The following PGM2 variants were observed in gnomAD, a reference collection of about 807,000 sequenced individuals.
PGM2 encodes the protein phosphoglucomutase 2.
Under a neutral mutation model 74.6 loss-of-function variants are expected in PGM2, and 57 were observed. The observed-to-expected ratio is 0.76, with a 90% CI of 0.62 to 0.95. The LOEUF (loss-of-function observed/expected upper bound fraction) is 0.95. Among genes scored for constraint, PGM2 ranks in the 40% least tolerant of loss-of-function variants. The pLI is 0.00. For synonymous variants in PGM2, 273 were observed against 260.7 expected (o/e 1.05, Z -0.46); for missense variants, 706 against 741.9 (o/e 0.95, Z 0.56).
intron 12 of PGM2, among the ~76,000 whole-genome samples, chr4:37,850,753 G>A (rs1213062303): frequency 6.6e-6 from 1 of 152,158 alleles, no homozygotes; most frequent in African/African-American, 2.4e-5. Context: ...CACTTTGGGA[G>A]GCCGAGGCAG....
chr4:37,833,267 A>G (rs527965368), intron 2 of PGM2, among the ~76,000 whole-genome samples: 1 of 152,328 alleles, frequency 6.6e-6, no homozygotes, highest in Non-Finnish European at 1.5e-5. Flanking sequence ...CCAAAATAAA[A>G]ATTATGGCTT....
At chr4:37,854,772 A>G (rs1287953889) in intron 12 of PGM2, among the ~76,000 whole-genome samples, 12 of 151,498 alleles carry the variant, frequency 7.9e-5, no homozygotes, top group Admixed American at 5.2e-4. Flanking sequence ...TTTGTGGTGT[A>G]TTAATCTGTT....
Position 37,845,666 on chromosome 4 carries a change from G to A in PGM2, c.943G>A (p.Ala315Thr). 6.2e-7 allele frequency: 1 copy of A among 1,613,484 alleles called. No homozygotes were observed. The part of the protein sequence containing the change: ...LSFALADKTK[A>T]RIVLANDPDA... Reference sequence around the variant, plus strand: ...TTTTGCTTTGGCTGACAAAACCAAGGCCAGAATTGTTTTAGCTAACGACCC... The same window carrying A: ...TTTTGCTTTGGCTGACAAAACCAAGACCAGAATTGTTTTAGCTAACGACCC... The change falls in exon 8 of 14, where the codon GCC (alanine) becomes ACC (threonine). Residue 315 changes from alanine to threonine, a missense_variant. By Grantham distance (58) the Ala-to-Thr change is moderately conservative. Coordinates refer to ENST00000381967, the MANE Select transcript of PGM2 (RefSeq NM_018290.4).
chr4:37,834,672 G>A lies in PGM2; in HGVS notation c.304G>A (p.Val102Met), dbSNP rs145365671. The A allele has an allele frequency of 5.3e-4, 853 of 1,604,040 alleles. 3 individuals are homozygous for A. Among genetic ancestry groups the A allele is most frequent in the Non-Finnish European group, 6.7e-4 (790 of 1,172,490 alleles). ...QFSDLKQKGI[V>M]ISFDARAHPS... The stretch of plus-strand genomic sequence containing the variant: ...CAGTGACTTAAAGCAGAAAGGCATC[G>A]TGATCAGTTTTGACGCCCGAGCTCA... Residue 102 changes from valine to methionine, a missense_variant, in exon 3 of 14, where the codon GTG (valine) becomes ATG (methionine). By Grantham distance (21) the Val-to-Met change is conservative (BLOSUM62 1). Transcript: ENST00000381967.
chr4:37,837,672 GA>G (rs973280264), intron 4 of PGM2, 59 bp downstream of exon 4: 45 of 1,031,262 alleles, frequency 4.4e-5, no homozygotes, highest in Non-Finnish European at 5.4e-5. Context: ...GGACTTGGCT[GA>G]ATTTTATAGT....
At chr4:37,841,100 A>ATATATATATATGTGTGTGTGTG (rs1202149456) in intron 6 of PGM2, among the ~76,000 whole-genome samples, 5 of 115,784 alleles carry the variant, frequency 4.3e-5, no homozygotes, top group African/African-American at 1.8e-4. Context: ...ATATATATAT[A>ATATATATATATGTGTGTGTGTG]TGTGTGTGTG....
chr4:37,847,705 A>G (rs1725914978), intron 10 of PGM2, among the ~76,000 whole-genome samples: 1 of 152,166 alleles, frequency 6.6e-6, no homozygotes, highest in Admixed American at 6.5e-5. Flanking sequence ...GAAGGAAGGC[A>G]TGGTTTGCTG....
In PGM2 at chr4:37,855,675, T is replaced by C. The variant is rs202232473; in HGVS notation, c.1670T>C (p.Met557Thr). The change falls in exon 13 of 14, where the codon ATG (methionine) becomes ACG (threonine). Residue 557 changes from methionine to threonine, a missense_variant. This residue lies in a region of PGM2 where 359 missense variants were observed against 371.1 expected (regional missense o/e 0.97). Coordinates refer to ENST00000381967, the MANE Select transcript of PGM2 (RefSeq NM_018290.4). The stretch of plus-strand genomic sequence containing the variant: ...TTTGCTAATGGAGGCGTGGCCACCA[T>C]GCGCACCAGTGGGACAGAGCCCAAA... ...FTFANGGVATMRTSGTEPKIK... is the reference protein window; with the variant it reads ...FTFANGGVATTRTSGTEPKIK... 2.1e-5 allele frequency: 34 copies of C among 1,614,018 alleles called. No homozygotes were observed. The highest frequency in any genetic ancestry group is 8.9e-5 in the East Asian group (4 of 44,886).
Position 37,850,351 on chromosome 4 carries a change from A to G in PGM2, c.1580A>G (p.Asp527Gly), listed in dbSNP as rs1302698047. ...AGGGACCTTACAACTGGCTATGATG[A>G]TAGCCAACCTGATAAAAAAGCTGTA... Reference protein sequence around the residue: ...AIRDLTTGYDDSQPDKKAVLP... With the variant: ...AIRDLTTGYDGSQPDKKAVLP... Residue 527 changes from aspartate to glycine, a missense_variant, in exon 12 of 14, where the codon GAT becomes GGT. Asp to Gly is a moderately conservative substitution (Grantham distance 94, BLOSUM62 -1). Coordinates refer to ENST00000381967, the MANE Select transcript of PGM2 (RefSeq NM_018290.4). The G allele has an allele frequency of 6.5e-7, 1 of 1,541,496 alleles. No individual in the cohort carries two copies. The highest frequency in any genetic ancestry group is 8.7e-7 in the Non-Finnish European group (1 of 1,152,358).
chr4:37,842,153 TAATA>T (rs1278233778), intron 6 of PGM2, among the ~76,000 whole-genome samples: 2 of 149,124 alleles, frequency 1.3e-5, no homozygotes, highest in African/African-American at 4.9e-5. Flanking sequence ...TCTTTGTTTA[TAATA>T]TATATACATA....
Position 37,844,562 on chromosome 4 carries a change from A to T in PGM2, c.909+9A>T. ...AGGGGAAAGGTGTCTTGGTAACCTA[A>T]TTTTTTTTTAAATTATGAAATCTGC... On this transcript the variant is annotated intron_variant, in intron 7 of 13. Coordinates refer to ENST00000381967, the MANE Select transcript of PGM2 (RefSeq NM_018290.4). 5 of 1,531,068 alleles carry T rather than the reference A, an allele frequency of 3.3e-6. No homozygotes were observed. Among genetic ancestry groups the T allele is most frequent in the Non-Finnish European group, 4.5e-6 (5 of 1,123,020 alleles). The allele number at this position is 1,531,068 out of a possible 1,614,324, so 94.8% of individuals were successfully genotyped here.
At chr4:37,846,081 A>G (rs1023526001) in intron 8 of PGM2, among the ~76,000 whole-genome samples, 6 of 152,108 alleles carry the variant, frequency 3.9e-5, no homozygotes, top group African/African-American at 1.4e-4. Context: ...ATGCTTCAGT[A>G]TTTGCTGAGG....
rs769940823 is a variant in PGM2 at position 37,834,709 on chromosome 4, G to C, written c.341G>C (p.Gly114Ala). ...GACGCCCGAGCTCATCCATCCAGTG[G>C]GGGTAGCAGCAGAAGGTATTTAAAC... ...SFDARAHPSS[G>A]GSSRRFARLA... is the part of the protein sequence containing the mutation. The change falls in exon 3 of 14, where the codon GGG becomes GCG. Residue 114 changes from glycine (G) to alanine (A), a missense_variant. This residue lies in a region of PGM2 where 332 missense variants were observed against 334.9 expected (regional missense o/e 0.99). Transcript: ENST00000381967. The C allele has an allele frequency of 6.7e-7, 1 of 1,498,814 alleles. No homozygotes were observed. Among genetic ancestry groups the C allele is most frequent in the African/African-American group, 1.4e-5 (1 of 71,404 alleles). 92.8% of individuals were successfully genotyped at this position (1,498,814 alleles called of 1,614,324 possible). A position where few individuals can be genotyped will look rare whatever the true frequency, so the allele number is the denominator to read the frequency against.
At chr4:37,845,113 A>G (rs1182098564) in intron 7 of PGM2, among the ~76,000 whole-genome samples, 1 of 152,164 alleles carries the variant, frequency 6.6e-6, no homozygotes. Flanking sequence ...AGTTAATTTA[A>G]TTTAATTTAA....
At chr4:37,847,617 ACACTGT>A in intron 10 of PGM2, 1 of 315,510 alleles carries the variant, frequency 3.2e-6, no homozygotes. Flanking sequence ...CCAGGCCTAA[ACACTGT>A]GGTATTTAAT....
At chr4:37,832,292 A>G (rs922725998) in intron 2 of PGM2, among the ~76,000 whole-genome samples, 2 of 152,258 alleles carry the variant, frequency 1.3e-5, no homozygotes, top group Non-Finnish European at 2.9e-5. Context: ...TGGATTCAAA[A>G]TTAGAGGCAA....
intron 6 of PGM2, among the ~76,000 whole-genome samples, chr4:37,842,548 TC>T (rs1451060164): frequency 2.0e-4 from 14 of 69,742 alleles, no homozygotes; most frequent in Non-Finnish European, 2.6e-4. Context: ...GAAGAATCTT[TC>T]TTTTTTTTCT....
rs1431237598 is a variant in PGM2 at position 37,862,879 on chromosome 4, A to G, written c.*1267A>G. On this transcript the variant is annotated 3_prime_UTR_variant, in exon 14 of 14. Transcript: ENST00000381967. ...TATTGTAGAAGCCATATTTATGTTTATTTTATAATGTTTTCTAGTGTCAAA... is the reference window on the plus strand; with the variant it reads ...TATTGTAGAAGCCATATTTATGTTTGTTTTATAATGTTTTCTAGTGTCAAA... 1 of 152,042 alleles carries G rather than the reference A, an allele frequency of 6.6e-6. No homozygotes were observed. The highest frequency in any genetic ancestry group is 1.5e-5 in the Non-Finnish European group (1 of 68,012). 9.4% of individuals were successfully genotyped at this position (152,042 alleles called of 1,614,324 possible). A position where few individuals can be genotyped will look rare whatever the true frequency, so the allele number is the denominator to read the frequency against.
Position 37,858,429 on chromosome 4 carries a change from T to A in PGM2, c.1736+2688T>A, listed in dbSNP as rs145149625. Among the ~76,000 whole-genome samples the A allele has an allele frequency of 2.1e-3, 324 of 151,954 alleles. 3 individuals carry two copies. Among genetic ancestry groups the A allele is most frequent in the African/African-American group, 7.5e-3 (311 of 41,478 alleles). ...TTAGCTCACTGCAACCTCTGCCTCC[T>A]GGGTTCAAGCGATTCTTGTGCCTCA... On this transcript the variant is annotated intron_variant, in intron 13 of 13. Coordinates refer to ENST00000381967, the MANE Select transcript of PGM2 (RefSeq NM_018290.4).
Sources: gnomAD v4.1 joint callset for allele counts (sites outside exome capture counted in the v4.1 genomes callset) on GRCh38, gnomAD v4.1.1 for gene constraint, gnomAD v4.1.1 regional missense constraint, MANE v1.5 for transcripts, NCBI Gene and HGNC (gene_info 2026-07-23, HGNC 2026-07-21) for gene names.